PREX2: variants seen among roughly 807,000 people sequenced by gnomAD.
The protein encoded by PREX2 is phosphatidylinositol 3,4,5-trisphosphate-dependent Rac exchanger 2 protein.
A neutral mutation model predicts 203.2 loss-of-function variants in PREX2; 107 were observed. The observed-to-expected ratio is 0.53, with a 90% CI of 0.45 to 0.62. The LOEUF is 0.62. PREX2 is among the 20% of genes least tolerant of loss of function. The pLI is 0.00. For synonymous variants in PREX2, 672 were observed against 663.6 expected, an observed-to-expected ratio of 1.01 and a Z score of -0.19; for missense variants, 1,777 against 1,955.9, an observed-to-expected ratio of 0.91 and a Z score of 1.72.
chr8:68,198,253 C>T (rs1219890152), intron 37 of PREX2, among the ~76,000 whole-genome samples: 1 of 151,978 alleles, frequency 6.6e-6, no homozygotes. Context: ...TTAATTTGTC[C>T]TTTTTTGATG....
intron 36 of PREX2, 68 bp downstream of exon 36, chr8:68,191,856 GT>G: frequency 9.1e-7 from 1 of 1,099,916 alleles, no homozygotes; most frequent in East Asian, 2.4e-5. Flanking sequence ...ATTTTCTGCT[GT>G]TGTTCTGCAG....
At chr8:68,033,904 T>G (rs969162423) in intron 6 of PREX2, among the ~76,000 whole-genome samples, 1 of 152,166 alleles carries the variant, frequency 6.6e-6, no homozygotes, top group Non-Finnish European at 1.5e-5. Context: ...GAAGGCTATT[T>G]AACCTACACG....
At chr8:68,076,402 AG>A (rs1291422163) in intron 14 of PREX2, among the ~76,000 whole-genome samples, 2 of 152,120 alleles carry the variant, frequency 1.3e-5, no homozygotes, top group African/African-American at 4.8e-5. Context: ...CGTTGCGGTG[AG>A]CTGAGATCAA....
intron 22 of PREX2, 100 bp from the exon 23 acceptor site, chr8:68,099,582 T>A (rs1478665889): frequency 8.7e-7 from 1 of 1,151,158 alleles, no homozygotes; most frequent in Non-Finnish European, 1.2e-6. Context: ...TTGATATGGC[T>A]ACTTTTGAAG....
intron 39 of PREX2, among the ~76,000 whole-genome samples, chr8:68,225,599 CA>C: frequency 6.6e-6 from 1 of 152,304 alleles, no homozygotes; most frequent in East Asian, 1.9e-4. Context: ...AGTAATATTT[CA>C]TTCTGAAAAA....
intron 35 of PREX2, chr8:68,177,049 A>G (rs71515091): frequency 0.14 from 21,411 of 153,120 alleles, 1,780 homozygotes; most frequent in East Asian, 0.21. Flanking sequence ...AGAAAAGATA[A>G]TTGCCCAGAT....
chr8:68,098,325 T>C (rs974821863), intron 22 of PREX2, among the ~76,000 whole-genome samples: 1 of 152,214 alleles, frequency 6.6e-6, no homozygotes, highest in Non-Finnish European at 1.5e-5. Flanking sequence ...TTCTAACATG[T>C]ATTTTTAAAA....
chr8:68,216,986 TGAGAGA>T (rs957650026), intron 37 of PREX2, among the ~76,000 whole-genome samples: 3 of 127,154 alleles, frequency 2.4e-5, no homozygotes, highest in African/African-American at 9.3e-5. Flanking sequence ...AAAAAAAAAA[TGAGAGA>T]GAGAGAGAGA....
chr8:68,208,593 G>A (rs1812686089), intron 37 of PREX2, among the ~76,000 whole-genome samples: 1 of 152,032 alleles, frequency 6.6e-6, no homozygotes, highest in Non-Finnish European at 1.5e-5. Flanking sequence ...TGAATAAAAT[G>A]GGACCACGAG....
chr8:68,026,643 A>G (rs1585716692), intron 4 of PREX2, among the ~76,000 whole-genome samples: 1 of 150,518 alleles, frequency 6.6e-6, no homozygotes, highest in Non-Finnish European at 1.5e-5. Flanking sequence ...TGGAAATCCT[A>G]TCTGACCTCC....
chr8:68,090,771 G>A (rs1490978061), intron 20 of PREX2, 56 bp downstream of exon 20: 55 of 1,495,384 alleles, frequency 3.7e-5, no homozygotes, highest in Non-Finnish European at 4.9e-5. Context: ...AAAGACCTAA[G>A]GGGTTGAGGT....
chr8:68,143,364 G>A (rs1303077372), intron 33 of PREX2, among the ~76,000 whole-genome samples: 1 of 152,084 alleles, frequency 6.6e-6, no homozygotes, highest in Non-Finnish European at 1.5e-5. Flanking sequence ...GCCATATGAT[G>A]TGCCTGCTAC....
chr8:68,013,249 C>G (rs923684438), intron 1 of PREX2, among the ~76,000 whole-genome samples: 1 of 152,084 alleles, frequency 6.6e-6, no homozygotes, highest in Non-Finnish European at 1.5e-5. Context: ...TGCCTTTTGT[C>G]TTCCCCATCT....
At chr8:68,065,941 T>C (rs1809004391) in intron 11 of PREX2, among the ~76,000 whole-genome samples, 1 of 152,198 alleles carries the variant, frequency 6.6e-6, no homozygotes, top group African/African-American at 2.4e-5. Flanking sequence ...ATTTATGGTA[T>C]ACAACATGTT....
intron 37 of PREX2, among the ~76,000 whole-genome samples, chr8:68,209,311 A>T (rs1482812325): frequency 6.6e-6 from 1 of 152,170 alleles, no homozygotes; most frequent in East Asian, 1.9e-4. Flanking sequence ...ATTACTAATA[A>T]CTTGTTTGCT....
intron 1 of PREX2, among the ~76,000 whole-genome samples, chr8:67,975,272 GTT>G (rs75276095): frequency 0.018 from 1,721 of 96,164 alleles, 10 homozygotes; most frequent in African/African-American, 0.053. Context: ...CACACGGCCT[GTT>G]TTTTTTTTTT....
chr8:68,061,322 A>C (rs1426510010), intron 11 of PREX2, among the ~76,000 whole-genome samples: 1 of 152,210 alleles, frequency 6.6e-6, no homozygotes, highest in Non-Finnish European at 1.5e-5. Context: ...GAACATATGA[A>C]GTCTCCTGCT....
intron 30 of PREX2, among the ~76,000 whole-genome samples, chr8:68,126,182 G>T (rs917077929): frequency 6.6e-6 from 1 of 151,984 alleles, no homozygotes; most frequent in African/African-American, 2.4e-5. Context: ...CTTAGAATAT[G>T]TATCTCTTTT....
chr8:68,027,187 A>G lies in PREX2; in HGVS notation c.442-35A>G, dbSNP rs372256366. ...GAAAGTTTCACAGCGTGAGATTATT[A>G]AAGATGTAATTAATTTTGATTATTT... On this transcript the variant is annotated intron_variant, in intron 4 of 39. Transcript: ENST00000288368. 24 of 1,450,672 alleles carry G rather than the reference A, an allele frequency of 1.7e-5. No homozygotes were observed. In the African/African-American group the frequency reaches 3.3e-4, roughly 20 times the overall value. The allele number at this position is 1,450,672 out of a possible 1,614,324, so 89.9% of individuals were successfully genotyped here.
Sources: allele counts gnomAD v4.1 joint callset (sites outside exome capture counted in the v4.1 genomes callset), GRCh38; gene constraint gnomAD v4.1.1; transcripts MANE v1.5; gene names NCBI Gene and HGNC (gene_info 2026-07-23, HGNC 2026-07-21).